NDUFV3: variants seen among roughly 807,000 people sequenced by gnomAD.
NDUFV3 encodes NADH dehydrogenase [ubiquinone] flavoprotein 3, mitochondrial.
A neutral mutation model predicts 37.5 loss-of-function variants in NDUFV3; 44 were observed. The ratio of observed to expected loss-of-function variants is 1.17; its 90% CI spans 0.92 to 1.51. The LOEUF is 1.51. NDUFV3 is among the 40% of genes most tolerant of loss of function. The pLI, the probability that NDUFV3 is intolerant of heterozygous loss-of-function variation, is 0.00. For missense variants in NDUFV3, 580 were observed against 580.4 expected, an observed-to-expected ratio of 1.00 and a Z score of 0.01; for synonymous variants, 235 against 239.3, an observed-to-expected ratio of 0.98 and a Z score of 0.17.
At chr21:42,902,327 A>T (rs1310143474) in intron 2 of NDUFV3, among the ~76,000 whole-genome samples, 1 of 152,222 alleles carries the variant, frequency 6.6e-6, no homozygotes, top group African/African-American at 2.4e-5. Flanking sequence ...TTTATTCTCT[A>T]ATGTAATGTT....
At position 42,910,743 on chromosome 21, in the gene NDUFV3, G is replaced by T. The variant is rs1275913351; in HGVS notation, c.*1722G>T. On this transcript the variant is annotated 3_prime_UTR_variant, in exon 4 of 4. Transcript: ENST00000354250. ...TTTTGTGCGGTGCAGGGACGAAGTT[G>T]CTCCCCGCTGGCCACAGGCACTCAA... is the stretch of plus-strand genomic sequence containing the variant. The T allele has an allele frequency of 6.5e-6, 1 of 154,392 alleles. No homozygotes were observed. The highest frequency in any genetic ancestry group is 2.4e-5 in the African/African-American group (1 of 41,476). The allele number at this position is 154,392 out of a possible 1,614,324, so 9.6% of individuals were successfully genotyped here.
intron 1 of NDUFV3, among the ~76,000 whole-genome samples, chr21:42,894,614 A>T (rs943528348): frequency 7.3e-6 from 1 of 136,458 alleles, no homozygotes; most frequent in Admixed American, 8.6e-5. Flanking sequence ...GCTGGAGTGC[A>T]ATGGCACCAT....
At chr21:42,894,795 G>A (rs181156807) in intron 1 of NDUFV3, among the ~76,000 whole-genome samples, 2 of 151,574 alleles carry the variant, frequency 1.3e-5, no homozygotes, top group African/African-American at 4.8e-5. Context: ...ATAAGCACAT[G>A]TACTCATGCT....
rs2058763310 is a variant in NDUFV3, at chr21:42,910,155, T to C, written c.*1134T>C. ...GCCTGGCCAACATAGTGAAACCCCA[T>C]CTCTACTAAAAATACAAAAATCAGC... On this transcript the variant is annotated 3_prime_UTR_variant, in exon 4 of 4. Coordinates refer to ENST00000354250, the MANE Select transcript of NDUFV3 (RefSeq NM_021075.4). The C allele has an allele frequency of 6.6e-6, 1 of 151,718 alleles. No individual in the cohort carries two copies. Among genetic ancestry groups the C allele is most frequent in the Non-Finnish European group, 1.5e-5 (1 of 67,976 alleles). The allele number at this position is 151,718 out of a possible 1,614,324, so 9.4% of individuals were successfully genotyped here.
chr21:42,901,732 T>C (rs533280485), intron 2 of NDUFV3, among the ~76,000 whole-genome samples: 12 of 152,306 alleles, frequency 7.9e-5, no homozygotes, highest in Non-Finnish European at 1.8e-4. Flanking sequence ...ATGCTACTGC[T>C]ATCCCCATGT....
chr21:42,901,932 G>A (rs1280348346), intron 2 of NDUFV3, among the ~76,000 whole-genome samples: 1 of 152,224 alleles, frequency 6.6e-6, no homozygotes, highest in Admixed American at 6.5e-5. Context: ...TAAAATGCCG[G>A]GCACGGTGGC....
In NDUFV3 at chr21:42,910,894, C is replaced by T. The variant is rs542158706; in HGVS notation, c.*1873C>T. ...GCTCCTGTGCATCACATGGAGCACG[C>T]TCCCCCAGCACTCTGCAGAGACAGA... is the stretch of plus-strand genomic sequence containing the variant. On this transcript the variant is annotated 3_prime_UTR_variant, in exon 4 of 4. Coordinates refer to ENST00000354250, the MANE Select transcript of NDUFV3 (RefSeq NM_021075.4). 6.5e-6 allele frequency: 1 copy of T among 152,910 alleles called. No homozygotes were observed. The highest frequency in any genetic ancestry group is 1.5e-5 in the Non-Finnish European group (1 of 68,378). 9.5% of individuals were successfully genotyped at this position (152,910 alleles called of 1,614,324 possible).
At position 42,893,369 on chromosome 21, in the gene NDUFV3, C is replaced by A; in HGVS notation, c.36C>A (p.Ala12=). 1 of 1,537,880 alleles carries A rather than the reference C, an allele frequency of 6.5e-7. No homozygotes were observed. Among genetic ancestry groups the A allele is most frequent in the Non-Finnish European group, 8.7e-7 (1 of 1,146,400 alleles). ...CGTGTTTGCTGCGGCAAGGACGAGCCGGGGCGCTGAAGGTAAAGGAGGAGC... is the reference window on the plus strand; with the variant it reads ...CGTGTTTGCTGCGGCAAGGACGAGCAGGGGCGCTGAAGGTAAAGGAGGAGC... The part of the protein sequence containing the change: ...AAPCLLRQGR[A]GALKTMLQEA... Residue 12 remains alanine, a synonymous_variant, in exon 1 of 4, where the codon GCC becomes GCA. Coordinates refer to ENST00000354250, the MANE Select transcript of NDUFV3 (RefSeq NM_021075.4).
intron 2 of NDUFV3, among the ~76,000 whole-genome samples, chr21:42,901,298 C>T (rs918075117): frequency 6.6e-6 from 1 of 151,916 alleles, no homozygotes; most frequent in African/African-American, 2.4e-5. Context: ...AAAAATTAGC[C>T]GGGCGTGGTG....
intron 1 of NDUFV3, among the ~76,000 whole-genome samples, chr21:42,894,472 A>AATATATATTATATTTTAT (rs1568854227): frequency 1.4e-5 from 1 of 69,582 alleles, no homozygotes; most frequent in African/African-American, 7.5e-5. Context: ...ATAAATATAT[A>AATATATATTATATTTTAT]TTATATATTT....
chr21:42,893,862 C>T (rs1032563445), intron 1 of NDUFV3, among the ~76,000 whole-genome samples: 2 of 152,352 alleles, frequency 1.3e-5, no homozygotes, highest in Non-Finnish European at 2.9e-5. Flanking sequence ...AGCCAGCTGA[C>T]ATGACCTGAC....
rs998376694 is a variant in NDUFV3 at position 42,903,175 on chromosome 21, T to G, written c.170-7T>G. On this transcript the variant is annotated splice_polypyrimidine_tract_variant and splice_region_variant and intron_variant, in intron 2 of 3. Transcript: ENST00000354250. ...TAAATAACATTCCTCTTTATGCCGT[T>G]TCCCAGATGTAGTGGAACCAAAGGA... is the stretch of plus-strand genomic sequence containing the variant. 1.2e-5 allele frequency: 19 copies of G among 1,614,050 alleles called. No individual in the cohort carries two copies. The highest frequency in any genetic ancestry group is 1.5e-5 in the Non-Finnish European group (18 of 1,180,042).
At chr21:42,900,854 T>C (rs946933390) in intron 2 of NDUFV3, among the ~76,000 whole-genome samples, 1 of 152,162 alleles carries the variant, frequency 6.6e-6, no homozygotes, top group African/African-American at 2.4e-5. Context: ...GCGTTCTCCC[T>C]GAGGAAGGCT....
At chr21:42,895,413 C>T (rs991467386) in intron 1 of NDUFV3, among the ~76,000 whole-genome samples, 4 of 152,110 alleles carry the variant, frequency 2.6e-5, no homozygotes, top group Admixed American at 1.3e-4. Flanking sequence ...ACCCACGAGG[C>T]GGAGATTGTA....
In NDUFV3 at chr21:42,908,922, T is replaced by C. The variant is rs747291578; in HGVS notation, c.1323T>C (p.His441=). 1 of 1,614,126 alleles carries C rather than the reference T, an allele frequency of 6.2e-7. No individual in the cohort carries two copies. The highest frequency in any genetic ancestry group is 1.3e-5 in the African/African-American group (1 of 75,036). Residue 441 remains histidine, a synonymous_variant, in exon 4 of 4, where the codon CAT becomes CAC. Coordinates refer to ENST00000354250, the MANE Select transcript of NDUFV3 (RefSeq NM_021075.4). ...FDNTTYKNLQ[H]HDYSTYTFLD... is the part of the protein sequence containing the mutation. ...ACACTACCTACAAGAACCTGCAGCA[T>C]CATGACTACAGCACGTACACCTTCT...
At chr21:42,907,424 C>T (rs1275927658) in intron 3 of NDUFV3, among the ~76,000 whole-genome samples, 1 of 150,062 alleles carries the variant, frequency 6.7e-6, no homozygotes, top group East Asian at 2.0e-4. Context: ...CTGGAGACTA[C>T]AGGTGTGCCA....
chr21:42,901,294 T>C (rs2058716813), intron 2 of NDUFV3, among the ~76,000 whole-genome samples: 1 of 151,766 alleles, frequency 6.6e-6, no homozygotes, highest in South Asian at 2.1e-4. Flanking sequence ...AAAAAAAAAT[T>C]AGCCGGGCGT....
rs1456040059 is a variant in NDUFV3 at position 42,908,957 on chromosome 21, A to G, written c.1358A>G (p.Asn453Ser). The G allele has an allele frequency of 8.1e-6, 13 of 1,613,756 alleles. No individual in the cohort carries two copies. The highest frequency in any genetic ancestry group is 2.7e-5 in the African/African-American group (2 of 74,824). The change falls in exon 4 of 4, where the codon AAC becomes AGC. Residue 453 changes from asparagine (N) to serine (S), a missense_variant. Asn to Ser is a conservative substitution (Grantham distance 46, BLOSUM62 1). Transcript: ENST00000354250. The stretch of plus-strand genomic sequence containing the variant: ...AGCACGTACACCTTCTTAGACCTCA[A>G]CCTCGAACTCTCAAAATTCAGGATG... ...DYSTYTFLDL[N>S]LELSKFRMPQ...
At chr21:42,899,817 T>TG (rs1268793375) in intron 2 of NDUFV3, among the ~76,000 whole-genome samples, 1 of 146,990 alleles carries the variant, frequency 6.8e-6, no homozygotes, top group Non-Finnish European at 1.5e-5. Context: ...CGACCTCAGA[T>TG]GATCCTCCTG....
Sources: allele counts gnomAD v4.1 joint callset (sites outside exome capture counted in the v4.1 genomes callset), GRCh38; gene constraint gnomAD v4.1.1; transcripts MANE v1.5; gene names NCBI Gene and HGNC (gene_info 2026-07-23, HGNC 2026-07-21).